DNAH14: variants seen among roughly 807,000 people sequenced by gnomAD.
DNAH14 encodes the protein dynein axonemal heavy chain 14.
Under a neutral mutation model 520.9 loss-of-function variants are expected in DNAH14, and 478 were observed. The ratio of observed to expected loss-of-function variants is 0.92; its 90% CI spans 0.85 to 0.99. DNAH14 has a LOEUF of 0.99. DNAH14 is among the 50% of genes least tolerant of loss of function. The probability of loss-of-function intolerance (pLI) is 0.00; values close to 1 mark genes in which losing one functional copy is unlikely to be tolerated. For synonymous variants in DNAH14, 1,581 were observed against 1,757.2 expected (o/e 0.90, Z 2.51); for missense variants, 4,831 against 5,234.5 (o/e 0.92, Z 2.38).
Position 225,080,589 on chromosome 1 carries a change from G to C in DNAH14, c.2977G>C (p.Glu993Gln), listed in dbSNP as rs1182242026. Residue 993 changes from glutamate (E) to glutamine (Q), a missense_variant, in exon 19 of 86, where the codon GAA (glutamate) becomes CAA (glutamine). Coordinates refer to ENST00000682510, the MANE Select transcript of DNAH14 (RefSeq NM_001367479.1). Reference protein sequence around the residue: ...QIVLSEISDIEGDLTLRKKLW... With the variant: ...QIVLSEISDIQGDLTLRKKLW... ...TGTGCTTTCAGAGATCTCTGACATTGAAGGTGACTTGACTTTGAGGAAAAA... is the reference window on the plus strand; with the variant it reads ...TGTGCTTTCAGAGATCTCTGACATTCAAGGTGACTTGACTTTGAGGAAAAA... 4.5e-6 allele frequency: 7 copies of C among 1,552,010 alleles called. No homozygotes were observed. Among genetic ancestry groups the C allele is most frequent in the South Asian group, 1.2e-5 (1 of 84,056 alleles).
At chr1:225,194,077 G>C (rs1433104702) in intron 38 of DNAH14, among the ~76,000 whole-genome samples, 1 of 152,102 alleles carries the variant, frequency 6.6e-6, no homozygotes, top group Non-Finnish European at 1.5e-5. Flanking sequence ...AACATTCCAT[G>C]GTCATGGATT....
intron 7 of DNAH14, among the ~76,000 whole-genome samples, chr1:224,970,452 G>A (rs1292176864): frequency 1.3e-5 from 2 of 152,054 alleles, no homozygotes; most frequent in African/African-American, 4.8e-5. Context: ...ACCTTGTGAA[G>A]CATGTGATCT....
intron 3 of DNAH14, among the ~76,000 whole-genome samples, chr1:224,958,592 C>G (rs2060653707): frequency 1.3e-5 from 2 of 152,008 alleles, no homozygotes; most frequent in Non-Finnish European, 2.9e-5. Flanking sequence ...ACTGGAGTTC[C>G]TGATGAGCTT....
chr1:225,159,243 A>T, intron 34 of DNAH14, 71 bp from the exon 35 acceptor site: 1 of 1,262,168 alleles, frequency 7.9e-7, no homozygotes, highest in Non-Finnish European at 1.1e-6. Context: ...ACAGAATGTT[A>T]ATGGTCTTCA....
At chr1:225,199,294 T>C (rs890639986) in intron 38 of DNAH14, among the ~76,000 whole-genome samples, 1 of 152,152 alleles carries the variant, frequency 6.6e-6, no homozygotes, top group African/African-American at 2.4e-5. Context: ...AACCAGCTTT[T>C]TGTTTTATTT....
At chr1:225,182,463 A>T (rs921287222) in intron 36 of DNAH14, among the ~76,000 whole-genome samples, 2 of 152,192 alleles carry the variant, frequency 1.3e-5, no homozygotes, top group African/African-American at 4.8e-5. Context: ...TTGAAAGAAC[A>T]TCAAATTGAA....
intron 35 of DNAH14, among the ~76,000 whole-genome samples, chr1:225,160,558 T>C (rs1464528430): frequency 1.3e-5 from 2 of 152,162 alleles, no homozygotes; most frequent in African/African-American, 4.8e-5. Context: ...TTCATGGTTC[T>C]AATCTGTGAA....
intron 23 of DNAH14, among the ~76,000 whole-genome samples, chr1:225,116,292 G>T (rs1009531280): frequency 6.6e-6 from 1 of 152,162 alleles, no homozygotes; most frequent in Non-Finnish European, 1.5e-5. Flanking sequence ...TTAAATAAGA[G>T]AGTGAAATAA....
intron 11 of DNAH14, among the ~76,000 whole-genome samples, chr1:225,036,133 C>CTTTTG (rs1200388692): frequency 6.6e-6 from 1 of 151,584 alleles, no homozygotes; most frequent in South Asian, 2.1e-4. Context: ...GGTTTTTTTT[C>CTTTTG]TTTTGTTTTG....
chr1:225,033,530 C>G (rs1416923005), intron 11 of DNAH14, among the ~76,000 whole-genome samples: 1 of 152,090 alleles, frequency 6.6e-6, no homozygotes, highest in Admixed American at 6.6e-5. Context: ...CAGCTTTATT[C>G]TTTTTGCTTC....
chr1:224,974,850 T>C (rs1231825548), intron 8 of DNAH14, among the ~76,000 whole-genome samples: 1 of 152,120 alleles, frequency 6.6e-6, no homozygotes, highest in Non-Finnish European at 1.5e-5. Context: ...CAGTATGATA[T>C]TGGCTGTGGG....
intron 71 of DNAH14, among the ~76,000 whole-genome samples, chr1:225,348,097 G>A (rs963200434): frequency 2.0e-5 from 3 of 151,980 alleles, no homozygotes; most frequent in African/African-American, 4.8e-5. Flanking sequence ...ATTATTACAG[G>A]GGTTCAACAG....
At chr1:225,155,533 C>T (rs1322804821) in intron 34 of DNAH14, among the ~76,000 whole-genome samples, 1 of 152,054 alleles carries the variant, frequency 6.6e-6, no homozygotes, top group Non-Finnish European at 1.5e-5. Context: ...ATATATGAAA[C>T]CCAAGTATAG....
intron 27 of DNAH14, among the ~76,000 whole-genome samples, chr1:225,136,254 A>G (rs12069808): frequency 0.13 from 19,149 of 152,108 alleles, 3,720 homozygotes; most frequent in African/African-American, 0.42. Context: ...TAGTGTCACT[A>G]GTCTGTGTAC....
chr1:225,187,197 A>C (rs1326097119), intron 37 of DNAH14, among the ~76,000 whole-genome samples: 1 of 151,868 alleles, frequency 6.6e-6, no homozygotes, highest in Non-Finnish European at 1.5e-5. Context: ...TTTAAAGTGT[A>C]CATTCTGGTG....
chr1:225,217,286 G>GC (rs2089487708), intron 41 of DNAH14, among the ~76,000 whole-genome samples: 1 of 151,896 alleles, frequency 6.6e-6, no homozygotes, highest in African/African-American at 2.4e-5. Context: ...GAGGTGCACT[G>GC]CCCTGCGAGG....
In DNAH14 at chr1:225,360,751, A is replaced by G. The variant is rs961644405; in HGVS notation, c.11847A>G (p.Ile3949Met). The G allele has an allele frequency of 6.4e-7, 1 of 1,551,574 alleles. No homozygotes were observed. The highest frequency in any genetic ancestry group is 1.4e-5 in the African/African-American group (1 of 73,054). ...ELKGTTHHVT[I>M]ISLGRDQAAK... ...AAGGAACAACACATCATGTGACCAT[A>G]ATTTCTCTGGGCCGTGACCAAGCAG... Residue 3949 changes from isoleucine to methionine, a missense_variant, in exon 75 of 86, where the codon ATA becomes ATG. Physicochemically the swap from Ile to Met is conservative, Grantham distance 10. Transcript: ENST00000682510.
chr1:224,983,683 A>G (rs2062430454), intron 8 of DNAH14, among the ~76,000 whole-genome samples: 1 of 152,194 alleles, frequency 6.6e-6, no homozygotes, highest in African/African-American at 2.4e-5. Flanking sequence ...TAGCACTGAT[A>G]AAAGTATTCA....
chr1:225,210,374 C>T (rs2088212349), intron 41 of DNAH14, among the ~76,000 whole-genome samples: 1 of 152,172 alleles, frequency 6.6e-6, no homozygotes, highest in African/African-American at 2.4e-5. Context: ...TTTCCCCTCA[C>T]TGTGTAAACA....
Sources: gnomAD v4.1 joint callset for allele counts (sites outside exome capture counted in the v4.1 genomes callset) on GRCh38, gnomAD v4.1.1 for gene constraint, MANE v1.5 for transcripts, NCBI Gene and HGNC (gene_info 2026-07-23, HGNC 2026-07-21) for gene names.